Variants in RBFOX1 observed in about 807,000 individuals in gnomAD.
RBFOX1 encodes RNA binding protein fox-1 homolog 1.
Under a neutral mutation model 57.7 loss-of-function variants are expected in RBFOX1, and 8 were observed. That is an observed-to-expected ratio of 0.14 (90% CI 0.08 to 0.25). The LOEUF (loss-of-function observed/expected upper bound fraction) is 0.25. Ranked by LOEUF, RBFOX1 falls within the 10% of genes least tolerant of loss-of-function variation. RBFOX1 has a pLI of 1.00. For missense variants in RBFOX1, 611 were observed against 548.5 expected (o/e 1.11, Z -1.14); for synonymous variants, 326 against 222.4 (o/e 1.47, Z -4.15).
chr16:6,998,002 C>G (rs1197863831), intron 3 of RBFOX1, among the ~76,000 whole-genome samples: 4 of 151,300 alleles, frequency 2.6e-5, no homozygotes, highest in Non-Finnish European at 4.4e-5. Flanking sequence ...TAAAAAAAAA[C>G]TAAAATTGAA....
At chr16:7,226,388 A>G (rs1320224803) in intron 4 of RBFOX1, among the ~76,000 whole-genome samples, 1 of 152,200 alleles carries the variant, frequency 6.6e-6, no homozygotes, top group Non-Finnish European at 1.5e-5. Context: ...CAGCAGGTGT[A>G]AGGGACTAAT....
chr16:7,174,009 G>T (rs1484357954), intron 4 of RBFOX1, among the ~76,000 whole-genome samples: 1 of 152,158 alleles, frequency 6.6e-6, no homozygotes, highest in Non-Finnish European at 1.5e-5. Context: ...ACAGTGAACT[G>T]GTTGGAGTAT....
intron 3 of RBFOX1, among the ~76,000 whole-genome samples, chr16:6,791,377 G>C (rs1301092239): frequency 6.6e-6 from 1 of 152,126 alleles, no homozygotes; most frequent in African/African-American, 2.4e-5. Context: ...TTTCCAGGCA[G>C]GACTGGCTGT....
At chr16:5,806,222 C>T (rs1196498989) in intron 3 of RBFOX1, among the ~76,000 whole-genome samples, 2 of 152,136 alleles carry the variant, frequency 1.3e-5, no homozygotes, top group African/African-American at 4.8e-5. Flanking sequence ...GCAGTTATAA[C>T]AAAATGATGA....
chr16:5,477,203 A>T (rs8062801), intron 2 of RBFOX1, among the ~76,000 whole-genome samples: 1,585 of 152,054 alleles, frequency 0.01, 17 homozygotes, highest in East Asian at 0.046. Context: ...ATTTGTAGAG[A>T]TGGGGTCTTG....
chr16:7,229,772 G>C lies in RBFOX1; in HGVS notation c.27+177674G>C, dbSNP rs561945373. 3.4e-4 allele frequency among the ~76,000 whole-genome samples: 32 copies of C among 93,216 alleles called. 1 individual carries two copies. The highest frequency in any genetic ancestry group is 1.2e-3 in the African/African-American group (29 of 23,830). 61.2% of individuals were successfully genotyped at this position (93,216 alleles called of 152,430 possible). ...GAAGGGAGAGAGAGGGAGGAAGGGA[G>C]AGAGAGGAAGGAAGGGAGAGAGAGG... On this transcript the variant is annotated intron_variant, in intron 4 of 15. Coordinates refer to ENST00000550418, the MANE Select transcript of RBFOX1 (RefSeq NM_018723.4).
chr16:5,495,973 A>G (rs2042988900), intron 2 of RBFOX1, among the ~76,000 whole-genome samples: 1 of 152,162 alleles, frequency 6.6e-6, no homozygotes, highest in Non-Finnish European at 1.5e-5. Flanking sequence ...TAAAAATACA[A>G]ACATTAGCTG....
chr16:6,271,199 A>G (rs1160848177), intron 1 of RBFOX1, among the ~76,000 whole-genome samples: 1 of 152,184 alleles, frequency 6.6e-6, no homozygotes, highest in Non-Finnish European at 1.5e-5. Flanking sequence ...CGAGGTGGGC[A>G]GATCACTAGA....
chr16:7,597,449 T>G lies in RBFOX1; in HGVS notation c.622+18T>G, dbSNP rs1212814305. On this transcript the variant is annotated intron_variant, in intron 9 of 15. Coordinates refer to ENST00000550418, the MANE Select transcript of RBFOX1 (RefSeq NM_018723.4). ...TACAAATGGTAAGTAGAGATTGGCC[T>G]TTTACAAGAAATTCTCTCTACTTCT... The G allele has an allele frequency of 6.4e-7, 1 of 1,570,958 alleles. No individual in the cohort carries two copies. The highest frequency in any genetic ancestry group is 8.7e-7 in the Non-Finnish European group (1 of 1,147,472).
At chr16:7,117,479 G>A (rs2066168563) in intron 4 of RBFOX1, among the ~76,000 whole-genome samples, 2 of 152,206 alleles carry the variant, frequency 1.3e-5, no homozygotes, top group East Asian at 3.9e-4. Context: ...ATTACTTAAT[G>A]TGTGAGTTTA....
At chr16:6,430,664 G>A (rs563644445) in intron 2 of RBFOX1, among the ~76,000 whole-genome samples, 1 of 152,148 alleles carries the variant, frequency 6.6e-6, no homozygotes, top group East Asian at 1.9e-4. Context: ...GGAGCGGGAT[G>A]GTCACATAGG....
At chr16:7,200,148 C>G (rs146812763) in intron 4 of RBFOX1, among the ~76,000 whole-genome samples, 95 of 152,288 alleles carry the variant, frequency 6.2e-4, no homozygotes, top group African/African-American at 2.3e-3. Context: ...TTCTGGGCTA[C>G]AAATTGGGCC....
intron 2 of RBFOX1, among the ~76,000 whole-genome samples, chr16:6,484,421 A>G (rs2095430260): frequency 6.7e-6 from 1 of 150,178 alleles, no homozygotes; most frequent in Non-Finnish European, 1.5e-5. Flanking sequence ...ACAATACTGA[A>G]CACGCTTCGA....
At chr16:6,192,853 A>T (rs1447244216) in intron 1 of RBFOX1, among the ~76,000 whole-genome samples, 1 of 152,172 alleles carries the variant, frequency 6.6e-6, no homozygotes, top group Non-Finnish European at 1.5e-5. Flanking sequence ...AAGCATCTTT[A>T]TTGAGATCCA....
At chr16:5,452,893 A>G (rs1319569752) in intron 1 of RBFOX1, among the ~76,000 whole-genome samples, 1 of 152,032 alleles carries the variant, frequency 6.6e-6, no homozygotes, top group African/African-American at 2.4e-5. Context: ...CGGCTTCCCA[A>G]AGTGCTGGGA....
intron 3 of RBFOX1, among the ~76,000 whole-genome samples, chr16:6,925,135 TTTTTTTTTTTTTTTTTG>T: frequency 9.8e-6 from 1 of 101,902 alleles, no homozygotes; most frequent in African/African-American, 4.1e-5. Context: ...TTTTTTTTTT[TTTTTTTTTTTTTTTTTG>T]AGATGGAGTT....
chr16:5,635,912 CAAAACTATTTA>C (rs2048669131), intron 3 of RBFOX1, among the ~76,000 whole-genome samples: 1 of 152,080 alleles, frequency 6.6e-6, no homozygotes, highest in Non-Finnish European at 1.5e-5. Context: ...GGGGTGATAT[CAAAACTATTTA>C]ACATTCCAGG....
At chr16:6,931,339 CT>C (rs1479870813) in intron 3 of RBFOX1, among the ~76,000 whole-genome samples, 5,152 of 100,512 alleles carry the variant, frequency 0.051, 129 homozygotes, top group African/African-American at 0.093. Flanking sequence ...CTATCTATCT[CT>C]ACACACACAC....
chr16:5,286,746 C>G (rs1411893436), intron 1 of RBFOX1, among the ~76,000 whole-genome samples: 2 of 152,296 alleles, frequency 1.3e-5, no homozygotes, highest in Middle Eastern at 3.4e-3. Flanking sequence ...ATATTTTAGG[C>G]TTTTGGTCTA....
Sources: gnomAD v4.1 joint callset for allele counts (sites outside exome capture counted in the v4.1 genomes callset) on GRCh38, gnomAD v4.1.1 for gene constraint, MANE v1.5 for transcripts, NCBI Gene and HGNC (gene_info 2026-07-23, HGNC 2026-07-21) for gene names.